PDE3A: variants seen among roughly 807,000 people sequenced by gnomAD.
PDE3A encodes cGMP-inhibited 3',5'-cyclic phosphodiesterase 3A.
In PDE3A, 43 loss-of-function variants were observed where a neutral mutation model predicts 98.3. That is an observed-to-expected ratio of 0.44 (90% confidence interval 0.34 to 0.56). The LOEUF is 0.56. Ranked by LOEUF, PDE3A falls within the 20% of genes least tolerant of loss-of-function variation. The pLI is 0.01. For missense variants in PDE3A, 1,427 were observed against 1,440.7 expected (o/e 0.99, Z 0.15); for synonymous variants, 663 against 567.9 (o/e 1.17, Z -2.38).
chr12:20,370,419 T>G lies in PDE3A; in HGVS notation c.960+175T>G, dbSNP rs558549330. 7.9e-3 allele frequency among the ~76,000 whole-genome samples: 1,160 copies of G among 147,642 alleles called. 18 individuals are homozygous for G. Among genetic ancestry groups the G allele is most frequent in the African/African-American group, 0.026 (1,057 of 40,388 alleles). On this transcript the variant is annotated intron_variant, in intron 1 of 15. Coordinates refer to ENST00000359062, the MANE Select transcript of PDE3A (RefSeq NM_000921.5). ...TTTTTTGTTTTTTTTGTTTTTTTTTTTTTGTTTTTTTGCCCTCTCTTTCAC... is the reference window on the plus strand; with the variant it reads ...TTTTTTGTTTTTTTTGTTTTTTTTTGTTTGTTTTTTTGCCCTCTCTTTCAC...
intron 1 of PDE3A, among the ~76,000 whole-genome samples, chr12:20,406,304 T>A (rs1199762547): frequency 6.6e-6 from 1 of 152,206 alleles, no homozygotes; most frequent in Non-Finnish European, 1.5e-5. Context: ...TTGAGGAATC[T>A]CAGTGTTGTT....
intron 1 of PDE3A, among the ~76,000 whole-genome samples, chr12:20,467,267 T>A (rs1213466122): frequency 6.6e-6 from 1 of 151,622 alleles, no homozygotes; most frequent in African/African-American, 2.4e-5. Flanking sequence ...AATGTCTGAA[T>A]GAGATCCTTT....
At chr12:20,598,174 AATTATT>A (rs533512178) in intron 2 of PDE3A, among the ~76,000 whole-genome samples, 8 of 150,156 alleles carry the variant, frequency 5.3e-5, no homozygotes, top group East Asian at 3.9e-4. Flanking sequence ...TTCTTTTTTT[AATTATT>A]ATTATTATTA....
intron 1 of PDE3A, among the ~76,000 whole-genome samples, chr12:20,432,574 A>G (rs990006562): frequency 6.6e-6 from 1 of 152,192 alleles, no homozygotes; most frequent in African/African-American, 2.4e-5. Context: ...CAAGTTGTAT[A>G]TATTTAATAT....
intron 1 of PDE3A, among the ~76,000 whole-genome samples, chr12:20,386,861 A>G (rs12370696): frequency 0.79 from 120,802 of 152,062 alleles, 48,255 homozygotes; most frequent in East Asian, 0.98. Flanking sequence ...CCTATGTCCT[A>G]AATGATATTG....
In PDE3A at chr12:20,646,472, C is replaced by G. The variant is rs755940996; in HGVS notation, c.2252-18C>G. On this transcript the variant is annotated intron_variant, in intron 10 of 15. Coordinates refer to ENST00000359062, the MANE Select transcript of PDE3A (RefSeq NM_000921.5). ...CAAAGTTCATAAACTGATGACTGTT[C>G]CTGTTCACTGGTTACAGATCATAAC... 1 of 1,327,660 alleles carries G rather than the reference C, an allele frequency of 7.5e-7. No homozygotes were observed. The highest frequency in any genetic ancestry group is 1.2e-5 in the South Asian group (1 of 85,120). 82.2% of individuals were successfully genotyped at this position (1,327,660 alleles called of 1,614,324 possible).
chr12:20,526,306 T>C (rs903269601), intron 1 of PDE3A, among the ~76,000 whole-genome samples: 5 of 152,210 alleles, frequency 3.3e-5, no homozygotes, highest in Non-Finnish European at 7.3e-5. Context: ...TATTGGCTTT[T>C]AGATTCTGTA....
intron 1 of PDE3A, among the ~76,000 whole-genome samples, chr12:20,381,944 A>G (rs1943671347): frequency 1.3e-5 from 2 of 151,914 alleles, no homozygotes; most frequent in Non-Finnish European, 2.9e-5. Flanking sequence ...TATGAATTAT[A>G]ACAGTAAATG....
chr12:20,491,348 G>A (rs549778748), intron 1 of PDE3A, among the ~76,000 whole-genome samples: 4 of 152,284 alleles, frequency 2.6e-5, no homozygotes, highest in African/African-American at 7.2e-5. Context: ...GAACATTCGT[G>A]TTTTCTTCTG....
intron 1 of PDE3A, chr12:20,449,544 G>A (rs1429123528): frequency 7.9e-6 from 2 of 253,698 alleles, no homozygotes. Context: ...GCGGTGGCAC[G>A]TGTCAGTTTC....
intron 7 of PDE3A, 127 bp downstream of exon 7, chr12:20,633,905 G>C (rs1271392287): frequency 1.7e-6 from 1 of 577,966 alleles, no homozygotes; most frequent in Non-Finnish European, 3.1e-6. Context: ...TCATGATGTT[G>C]GTCAGGTCGG....
intron 5 of PDE3A, among the ~76,000 whole-genome samples, chr12:20,627,406 C>T (rs1490180787): frequency 1.4e-5 from 2 of 142,766 alleles, no homozygotes; most frequent in Non-Finnish European, 3.0e-5. Context: ...ACCACGTTCC[C>T]TGCCCCTCTT....
At chr12:20,495,239 A>G (rs1411102094) in intron 1 of PDE3A, among the ~76,000 whole-genome samples, 1 of 151,800 alleles carries the variant, frequency 6.6e-6, no homozygotes, top group Admixed American at 6.6e-5. Context: ...CACCAATACA[A>G]GTTCTGTTCA....
At chr12:20,402,341 G>A (rs962866849) in intron 1 of PDE3A, among the ~76,000 whole-genome samples, 2 of 152,036 alleles carry the variant, frequency 1.3e-5, no homozygotes, top group African/African-American at 4.8e-5. Context: ...TACAGATGTG[G>A]TTTTGCTATG....
At chr12:20,431,203 A>G (rs1944691740) in intron 1 of PDE3A, among the ~76,000 whole-genome samples, 1 of 152,168 alleles carries the variant, frequency 6.6e-6, no homozygotes, top group African/African-American at 2.4e-5. Context: ...AAAATAAAAG[A>G]TACAGAATGA....
intron 1 of PDE3A, among the ~76,000 whole-genome samples, chr12:20,401,229 GC>G (rs1344703375): frequency 2.2e-4 from 33 of 152,124 alleles, no homozygotes; most frequent in Admixed American, 1.3e-4. Flanking sequence ...CTACCCTCAT[GC>G]CATCTGAATA....
rs1946009111 is a variant in PDE3A at position 20,687,752 on chromosome 12, T to G, written c.*7481T>G. On this transcript the variant is annotated 3_prime_UTR_variant, in exon 16 of 16. Coordinates refer to ENST00000359062, the MANE Select transcript of PDE3A (RefSeq NM_000921.5). ...TAATAAAAATGAGATTCTCCCTGGC[T>G]TTCTATAATATATTAGGATATGTGA... Among the ~76,000 whole-genome samples the G allele has an allele frequency of 2.0e-5, 3 of 151,908 alleles. No homozygotes were observed. The highest frequency in any genetic ancestry group is 2.0e-4 in the Admixed American group (3 of 15,226).
intron 6 of PDE3A, among the ~76,000 whole-genome samples, chr12:20,631,677 C>T (rs183058334): frequency 2.0e-5 from 3 of 147,524 alleles, no homozygotes; most frequent in Admixed American, 6.9e-5. Flanking sequence ...CTACCACTCA[C>T]GCAGCTTTTT....
At chr12:20,522,168 A>C (rs946831492) in intron 1 of PDE3A, among the ~76,000 whole-genome samples, 20 of 152,036 alleles carry the variant, frequency 1.3e-4, no homozygotes, top group Non-Finnish European at 2.2e-4. Flanking sequence ...GCTTAAGTTT[A>C]CCCTACAGCA....
Sources: allele counts gnomAD v4.1 joint callset (sites outside exome capture counted in the v4.1 genomes callset), GRCh38; gene constraint gnomAD v4.1.1; transcripts MANE v1.5; gene names NCBI Gene and HGNC (gene_info 2026-07-23, HGNC 2026-07-21).